The following DPYD variants were observed in gnomAD, a reference collection of about 807,000 sequenced individuals.
The protein encoded by DPYD is dihydropyrimidine dehydrogenase [NADP(+)].
DPYD carries 109 observed loss-of-function variants against 116.2 expected under a neutral mutation model. The observed-to-expected ratio is 0.94, with a 90% CI of 0.80 to 1.10. The LOEUF is 1.10. DPYD is among the 50% of genes least tolerant of loss of function. The pLI is 0.00. For synonymous variants in DPYD, 440 were observed against 432.0 expected (o/e 1.02, Z -0.23); for missense variants, 1,302 against 1,254.5 (o/e 1.04, Z -0.57).
intron 13 of DPYD, among the ~76,000 whole-genome samples, chr1:97,452,655 C>T (rs564707760): frequency 2.6e-4 from 39 of 152,182 alleles, no homozygotes; most frequent in African/African-American, 8.9e-4. Flanking sequence ...GGTTTAGTAT[C>T]ATCCTCTTGG....
At chr1:97,563,224 C>T (rs185171400) in intron 11 of DPYD, among the ~76,000 whole-genome samples, 95 of 152,186 alleles carry the variant, frequency 6.2e-4, no homozygotes, top group African/African-American at 2.0e-3. Flanking sequence ...CATCTCACAG[C>T]GGCTTAGTTT....
intron 19 of DPYD, among the ~76,000 whole-genome samples, chr1:97,206,650 ATATATATATATATATATATATATAT>A (rs1331655486): frequency 1.9e-5 from 1 of 52,116 alleles, no homozygotes; most frequent in Non-Finnish European, 2.9e-5. Flanking sequence ...ATATATATAT[ATATATATATATATATATATATATAT>A]ATATATATAT....
At chr1:97,512,700 C>A (rs1343745658) in intron 13 of DPYD, among the ~76,000 whole-genome samples, 1 of 151,814 alleles carries the variant, frequency 6.6e-6, no homozygotes, top group Non-Finnish European at 1.5e-5. Context: ...GATCACTTCT[C>A]TGTTTTGTCA....
chr1:97,694,838 T>G (rs527531044), intron 6 of DPYD, among the ~76,000 whole-genome samples: 48 of 152,186 alleles, frequency 3.2e-4, no homozygotes, highest in Non-Finnish European at 4.7e-4. Flanking sequence ...AACAATGTCC[T>G]CTGCCAAAAT....
chr1:97,356,051 C>T (rs185791713), intron 16 of DPYD, among the ~76,000 whole-genome samples: 11 of 152,198 alleles, frequency 7.2e-5, no homozygotes, highest in African/African-American at 2.6e-4. Context: ...CCACCAACAG[C>T]GTGCCAGGGC....
chr1:97,746,405 C>T (rs1664556040), intron 3 of DPYD, among the ~76,000 whole-genome samples: 1 of 152,100 alleles, frequency 6.6e-6, no homozygotes, highest in Admixed American at 6.6e-5. Flanking sequence ...CAATCAAGTA[C>T]TTTGTGCTGT....
chr1:97,542,892 T>C (rs948728954), intron 12 of DPYD, among the ~76,000 whole-genome samples: 1 of 152,202 alleles, frequency 6.6e-6, no homozygotes, highest in Non-Finnish European at 1.5e-5. Flanking sequence ...ATATCCTATT[T>C]CAATATTCAT....
chr1:97,783,018 A>G (rs1375598650), intron 3 of DPYD, among the ~76,000 whole-genome samples: 1 of 152,204 alleles, frequency 6.6e-6, no homozygotes, highest in East Asian at 1.9e-4. Context: ...AGTGTGTTGG[A>G]GAGAAGCACC....
At chr1:97,513,107 G>GT (rs1461857630) in intron 13 of DPYD, among the ~76,000 whole-genome samples, 4 of 151,590 alleles carry the variant, frequency 2.6e-5, no homozygotes, top group Non-Finnish European at 5.9e-5. Flanking sequence ...GCATTTCACT[G>GT]TAAGTCAATG....
chr1:97,810,159 C>T (rs113049477), intron 3 of DPYD, among the ~76,000 whole-genome samples: 7 of 151,266 alleles, frequency 4.6e-5, no homozygotes, highest in South Asian at 2.1e-4. Flanking sequence ...TGGTGGCGGG[C>T]GCCTGTAGTC....
At chr1:97,455,914 G>T (rs1676656988) in intron 13 of DPYD, among the ~76,000 whole-genome samples, 1 of 151,760 alleles carries the variant, frequency 6.6e-6, no homozygotes, top group Admixed American at 6.6e-5. Context: ...GACAGAATTT[G>T]CCCTTTTGTC....
At chr1:97,181,848 A>T (rs1428699650) in intron 20 of DPYD, among the ~76,000 whole-genome samples, 8 of 152,168 alleles carry the variant, frequency 5.3e-5, no homozygotes, top group African/African-American at 1.4e-4. Context: ...TTGATTGCTT[A>T]CAACTACATG....
At chr1:97,777,430 T>C (rs974979700) in intron 3 of DPYD, among the ~76,000 whole-genome samples, 1 of 152,192 alleles carries the variant, frequency 6.6e-6, no homozygotes, top group Non-Finnish European at 1.5e-5. Context: ...TGCTTACTTA[T>C]TAGCAAATTC....
rs183167532 is a variant in DPYD, at chr1:97,706,685, T to C, written c.484-7138A>G. ...TTTAAGTTTTCTCTGTGTCTCTCCA[T>C]GGCTTGATAGCTCCTCTCTTTTTAA... is the stretch of plus-strand genomic sequence containing the variant. On this transcript the variant is annotated intron_variant, in intron 5 of 22. Coordinates refer to ENST00000370192, the MANE Select transcript of DPYD (RefSeq NM_000110.4). 7.9e-5 allele frequency among the ~76,000 whole-genome samples: 12 copies of C among 152,202 alleles called. No homozygotes were observed. The East Asian group carries it at 2.3e-3, about 29-fold the overall frequency.
intron 18 of DPYD, among the ~76,000 whole-genome samples, chr1:97,285,165 T>C (rs1175270648): frequency 4.6e-5 from 7 of 152,194 alleles, no homozygotes; most frequent in Non-Finnish European, 1.5e-5. Flanking sequence ...ATATGTAAAC[T>C]ACAAAATTCA....
chr1:97,527,288 A>T (rs1028718974), intron 12 of DPYD, among the ~76,000 whole-genome samples: 1 of 152,100 alleles, frequency 6.6e-6, no homozygotes, highest in Non-Finnish European at 1.5e-5. Context: ...CATGTTGGCC[A>T]GGATGGTCTT....
intron 5 of DPYD, among the ~76,000 whole-genome samples, chr1:97,715,055 C>G (rs1662533489): frequency 1.3e-5 from 2 of 152,038 alleles, no homozygotes; most frequent in African/African-American, 4.8e-5. Flanking sequence ...ATTAATCAAG[C>G]TCTAAATAAA....
intron 12 of DPYD, 30 bp from the exon 13 acceptor site, chr1:97,515,971 A>G: frequency 5.7e-6 from 9 of 1,575,380 alleles, no homozygotes; most frequent in Non-Finnish European, 7.9e-6. Flanking sequence ...ACTTGGTTTC[A>G]TATTACATCT....
At chr1:97,836,442 G>A (rs1297031611) in intron 2 of DPYD, among the ~76,000 whole-genome samples, 1 of 152,118 alleles carries the variant, frequency 6.6e-6, no homozygotes. Flanking sequence ...TGGTATGGCT[G>A]TGTAATGCAG....
Sources: allele counts gnomAD v4.1 joint callset (sites outside exome capture counted in the v4.1 genomes callset), GRCh38; gene constraint gnomAD v4.1.1; transcripts MANE v1.5; gene names NCBI Gene and HGNC (gene_info 2026-07-23, HGNC 2026-07-21).